Variants in CHIC1 observed in about 807,000 individuals in gnomAD.
The protein encoded by CHIC1 is cysteine-rich hydrophobic domain-containing protein 1.
Under a neutral mutation model 18.5 loss-of-function variants are expected in CHIC1, and 7 were observed. The ratio of observed to expected loss-of-function variants is 0.38; its 90% CI spans 0.22 to 0.71. CHIC1 has a LOEUF of 0.71. Among genes scored for constraint, CHIC1 ranks in the 30% least tolerant of loss-of-function variants. The pLI is 0.49. For synonymous variants in CHIC1, 77 were observed against 73.5 expected (o/e 1.05, Z -0.25); for missense variants, 159 against 176.9 (o/e 0.90, Z 0.57).
chrX:73,588,516 C>A (rs1168602101), intron 3 of CHIC1, among the ~76,000 whole-genome samples: 1 of 111,097 alleles, frequency 9.0e-6, no homozygotes, highest in African/African-American at 3.3e-5. Flanking sequence ...TTTCAGAAAT[C>A]TTTTATCACC....
At chrX:73,587,027 A>C (rs2057556162) in intron 3 of CHIC1, among the ~76,000 whole-genome samples, 2 of 112,073 alleles carry the variant, frequency 1.8e-5, no homozygotes, top group South Asian at 7.3e-4. Flanking sequence ...TTACAAAAAC[A>C]GGCAGCAAGC....
Position 73,653,320 on chromosome X carries a change from C to T in CHIC1, c.508-26006C>T, listed in dbSNP as rs184734550. Among the ~76,000 whole-genome samples, 978 of 111,644 alleles carry T rather than the reference C, an allele frequency of 8.8e-3. 5 individuals are homozygous for T. Among genetic ancestry groups the T allele is most frequent in the Non-Finnish European group, 0.015 (786 of 53,063 alleles). On this transcript the variant is annotated intron_variant, in intron 3 of 5. Transcript: ENST00000373502. ...TACCTATGTAACAAACCTGCACGTT[C>T]AGCACATGTATCCTGGAACTTTAAG...
In CHIC1 at chrX:73,595,134, T is replaced by A. The variant is rs559755857; in HGVS notation, c.507+10562T>A. 1.2e-3 allele frequency among the ~76,000 whole-genome samples: 132 copies of A among 111,221 alleles called. No homozygotes were observed. In the Middle Eastern group the frequency reaches 0.023, roughly 20 times the overall value. ...ATATATCTAGGAGTACAATTGCTGGTCATATGGCAATTGTTTAGCTTTTTG... is the reference window on the plus strand; with the variant it reads ...ATATATCTAGGAGTACAATTGCTGGACATATGGCAATTGTTTAGCTTTTTG... On this transcript the variant is annotated intron_variant, in intron 3 of 5. Transcript: ENST00000373502.
intron 3 of CHIC1, among the ~76,000 whole-genome samples, chrX:73,602,535 C>T (rs1039740822): frequency 2.8e-5 from 3 of 108,868 alleles, no homozygotes; most frequent in African/African-American, 1.1e-4. Context: ...TCTCATTTGT[C>T]TATTTTGGCT....
rs1197577898 is a variant in CHIC1 at position 73,683,372 on chromosome X, GT to G, written c.*2371del. Reference sequence around the variant, plus strand: ...TCTTGTATGACTACTTTTTCAAACTGTTTTCCTTTGCAGGGGGCTGATTAGC... The same window carrying G: ...TCTTGTATGACTACTTTTTCAAACTGTTTCCTTTGCAGGGGGCTGATTAGC... On this transcript the variant is annotated 3_prime_UTR_variant, in exon 6 of 6. Coordinates refer to ENST00000373502, the MANE Select transcript of CHIC1 (RefSeq NM_001039840.4). 3 of 111,145 alleles carry G rather than the reference GT, an allele frequency of 2.7e-5. No homozygotes were observed. The highest frequency in any genetic ancestry group is 9.8e-5 in the African/African-American group (3 of 30,634). 9.2% of individuals were successfully genotyped at this position (111,145 alleles called of 1,213,427 possible). A position where few individuals can be genotyped will look rare whatever the true frequency, so the allele number is the denominator to read the frequency against.
intron 1 of CHIC1, among the ~76,000 whole-genome samples, chrX:73,572,568 A>G (rs756609926): frequency 2.4e-4 from 27 of 111,478 alleles, no homozygotes; most frequent in Admixed American, 1.1e-3. Context: ...GAAATAATTT[A>G]AATTCCCACC....
intron 3 of CHIC1, among the ~76,000 whole-genome samples, chrX:73,613,647 C>G (rs1406685564): frequency 8.9e-6 from 1 of 111,960 alleles, no homozygotes; most frequent in Non-Finnish European, 1.9e-5. Context: ...CACAAATTGA[C>G]TGGGACAGTT....
At position 73,664,089 on chromosome X, in the gene CHIC1, G is replaced by T. The variant is rs994426213; in HGVS notation, c.508-15237G>T. Among the ~76,000 whole-genome samples, 4 of 111,187 alleles carry T rather than the reference G, an allele frequency of 3.6e-5. No homozygotes were observed. In the South Asian group the frequency reaches 1.6e-3, roughly 43 times the overall value. Reference sequence around the variant, plus strand: ...CAGTGGTGGCAGCTCTGAGAGAGAGGACTGTGGGCTTTTCATCTGACCGAG... The same window carrying T: ...CAGTGGTGGCAGCTCTGAGAGAGAGTACTGTGGGCTTTTCATCTGACCGAG... On this transcript the variant is annotated intron_variant, in intron 3 of 5. Coordinates refer to ENST00000373502, the MANE Select transcript of CHIC1 (RefSeq NM_001039840.4).
chrX:73,674,122 T>C (rs1476206011), intron 3 of CHIC1, among the ~76,000 whole-genome samples: 1 of 111,996 alleles, frequency 8.9e-6, no homozygotes, highest in African/African-American at 3.2e-5. Flanking sequence ...GTGGATAAGC[T>C]TTTTGATGTG....
chrX:73,671,743 AT>A (rs1453075678), intron 3 of CHIC1, among the ~76,000 whole-genome samples: 3 of 100,698 alleles, frequency 3.0e-5, no homozygotes, highest in Non-Finnish European at 6.1e-5. Flanking sequence ...ATTTATTTTT[AT>A]TTTTTTGTGC....
intron 3 of CHIC1, among the ~76,000 whole-genome samples, chrX:73,676,609 T>C (rs992755634): frequency 1.8e-5 from 2 of 111,673 alleles, no homozygotes; most frequent in South Asian, 3.8e-4. Flanking sequence ...TTCTCTGCAT[T>C]GGTTATTCTA....
At chrX:73,632,408 CTA>C (rs1569503466) in intron 3 of CHIC1, among the ~76,000 whole-genome samples, 1 of 111,705 alleles carries the variant, frequency 9.0e-6, no homozygotes, top group Admixed American at 9.5e-5. Context: ...TTCAGCAACT[CTA>C]TTTTTCTATT....
intron 3 of CHIC1, among the ~76,000 whole-genome samples, chrX:73,672,108 T>G (rs1012058323): frequency 8.9e-6 from 1 of 112,080 alleles, no homozygotes; most frequent in Non-Finnish European, 1.9e-5. Flanking sequence ...TCATCATTTT[T>G]TATGGCTGCA....
intron 3 of CHIC1, among the ~76,000 whole-genome samples, chrX:73,647,957 A>G (rs780283400): frequency 3.9e-4 from 44 of 111,519 alleles, no homozygotes; most frequent in Non-Finnish European, 6.4e-4. Flanking sequence ...TACAGGAGCA[A>G]TTCTACTGAC....
At chrX:73,646,593 T>A (rs926461463) in intron 3 of CHIC1, among the ~76,000 whole-genome samples, 4 of 112,221 alleles carry the variant, frequency 3.6e-5, no homozygotes, top group Non-Finnish European at 7.5e-5. Flanking sequence ...TGTGATGCTA[T>A]TGTAAATGGA....
intron 3 of CHIC1, among the ~76,000 whole-genome samples, chrX:73,624,260 C>T (rs1171606997): frequency 3.6e-5 from 4 of 111,613 alleles, no homozygotes; most frequent in African/African-American, 6.5e-5. Flanking sequence ...CTAGTTACTA[C>T]ACACCAAGTT....
At chrX:73,641,918 T>C (rs760057232) in intron 3 of CHIC1, among the ~76,000 whole-genome samples, 53 of 112,000 alleles carry the variant, frequency 4.7e-4, no homozygotes, top group African/African-American at 1.6e-3. Context: ...CAGTCTATCA[T>C]TGTTGGACAT....
chrX:73,565,612 A>G (rs1323063523), intron 1 of CHIC1, among the ~76,000 whole-genome samples: 2 of 112,128 alleles, frequency 1.8e-5, no homozygotes, highest in Non-Finnish European at 3.8e-5. Context: ...ATCACATATG[A>G]TATTAAATGT....
chrX:73,571,803 A>G (rs1244607025), intron 1 of CHIC1, among the ~76,000 whole-genome samples: 4 of 111,500 alleles, frequency 3.6e-5, no homozygotes. Context: ...TTTTAAACAT[A>G]CATAATATAG....
Sources: allele counts gnomAD v4.1 joint callset (sites outside exome capture counted in the v4.1 genomes callset), GRCh38; gene constraint gnomAD v4.1.1; transcripts MANE v1.5; gene names NCBI Gene and HGNC (gene_info 2026-07-23, HGNC 2026-07-21).